The following KCND2 variants were observed in gnomAD, a reference collection of about 807,000 sequenced individuals.
The protein encoded by KCND2 is A-type voltage-gated potassium channel KCND2.
In KCND2, 16 loss-of-function variants were observed where a neutral mutation model predicts 54.4. The observed-to-expected ratio is 0.29, with a 90% CI of 0.20 to 0.45. The LOEUF (loss-of-function observed/expected upper bound fraction) is 0.45, where lower values mean the gene tolerates loss of function less well. Among genes scored for constraint, KCND2 ranks in the 20% least tolerant of loss-of-function variants. The probability of loss-of-function intolerance (pLI) is 1.00; values close to 1 mark genes in which losing one functional copy is unlikely to be tolerated. For synonymous variants in KCND2, 317 were observed against 310.7 expected (o/e 1.02, Z -0.21); for missense variants, 486 against 824.2 (o/e 0.59, Z 5.02).
chr7:120,633,229 A>T (rs552421421), intron 1 of KCND2, among the ~76,000 whole-genome samples: 3 of 152,312 alleles, frequency 2.0e-5, no homozygotes, highest in Admixed American at 6.5e-5. Flanking sequence ...CTCTTTTATT[A>T]GGACTGCTTA....
At chr7:120,415,679 A>G (rs1429024014) in intron 1 of KCND2, among the ~76,000 whole-genome samples, 2 of 152,140 alleles carry the variant, frequency 1.3e-5, no homozygotes, top group Non-Finnish European at 2.9e-5. Context: ...GACCAACTAA[A>G]TTGATGAATG....
chr7:120,358,422 T>C (rs984333835), intron 1 of KCND2, among the ~76,000 whole-genome samples: 4 of 152,172 alleles, frequency 2.6e-5, no homozygotes, highest in Non-Finnish European at 5.9e-5. Context: ...TGGTGGTACA[T>C]GGGATAAGCA....
In KCND2 at chr7:120,712,984, C is replaced by T. The variant is rs541539270; in HGVS notation, c.1116-19919C>T. Among the ~76,000 whole-genome samples, 326 of 152,272 alleles carry T rather than the reference C, an allele frequency of 2.1e-3. 1 individual carries two copies. Among genetic ancestry groups the T allele is most frequent in the Non-Finnish European group, 4.2e-3 (285 of 68,014 alleles). On this transcript the variant is annotated intron_variant, in intron 1 of 5. Coordinates refer to ENST00000331113, the MANE Select transcript of KCND2 (RefSeq NM_012281.3). The stretch of plus-strand genomic sequence containing the variant: ...GCTCTTTTAAAAATGTGAGGTCATG[C>T]CCACGTAGCCCTTGTCACCTCTCCT...
At chr7:120,626,519 G>A (rs547186952) in intron 1 of KCND2, among the ~76,000 whole-genome samples, 5 of 152,270 alleles carry the variant, frequency 3.3e-5, no homozygotes, top group African/African-American at 9.6e-5. Context: ...ATGTGTGGCT[G>A]TAGTATAAGT....
chr7:120,485,454 C>T (rs1802679716), intron 1 of KCND2, among the ~76,000 whole-genome samples: 1 of 152,160 alleles, frequency 6.6e-6, no homozygotes, highest in African/African-American at 2.4e-5. Context: ...AATTCCTACT[C>T]TGCAGGTACC....
intron 1 of KCND2, among the ~76,000 whole-genome samples, chr7:120,355,327 A>T (rs912016426): frequency 6.6e-5 from 10 of 152,316 alleles, no homozygotes; most frequent in Middle Eastern, 3.4e-3. Flanking sequence ...TGGGTGGATC[A>T]CCTGAAGTCA....
chr7:120,336,870 T>C (rs1296496522), intron 1 of KCND2, among the ~76,000 whole-genome samples: 1 of 152,170 alleles, frequency 6.6e-6, no homozygotes, highest in Admixed American at 6.5e-5. Flanking sequence ...TCTTGAACCC[T>C]AAAACACTAA....
chr7:120,469,195 T>C (rs1421372403), intron 1 of KCND2, among the ~76,000 whole-genome samples: 1 of 152,168 alleles, frequency 6.6e-6, no homozygotes, highest in African/African-American at 2.4e-5. Flanking sequence ...AACAGATGAA[T>C]TGGATCCTCT....
At chr7:120,663,000 T>C (rs998889189) in intron 1 of KCND2, among the ~76,000 whole-genome samples, 1 of 152,220 alleles carries the variant, frequency 6.6e-6, no homozygotes, top group Non-Finnish European at 1.5e-5. Flanking sequence ...GATCCTCAGC[T>C]GTCCTATGCA....
intron 1 of KCND2, among the ~76,000 whole-genome samples, chr7:120,278,989 A>G (rs1799222779): frequency 6.6e-6 from 1 of 151,710 alleles, no homozygotes; most frequent in Non-Finnish European, 1.5e-5. Context: ...TCCCCTTTCC[A>G]TAATGTAAAC....
In KCND2 at chr7:120,692,140, A is replaced by G. The variant is rs571625407; in HGVS notation, c.1116-40763A>G. On this transcript the variant is annotated intron_variant, in intron 1 of 5. Coordinates refer to ENST00000331113, the MANE Select transcript of KCND2 (RefSeq NM_012281.3). The stretch of plus-strand genomic sequence containing the variant: ...CTTTCAAGGAATGTGCTGTAAAGGG[A>G]GGGAGACAAATGAGGAGGTAGCTGA... Among the ~76,000 whole-genome samples the G allele has an allele frequency of 2.7e-4, 41 of 152,312 alleles. 1 individual carries two copies. In the East Asian group the frequency reaches 7.7e-3, roughly 29 times the overall value.
intron 1 of KCND2, among the ~76,000 whole-genome samples, chr7:120,483,437 T>C (rs1802635336): frequency 6.6e-6 from 1 of 152,162 alleles, no homozygotes; most frequent in South Asian, 2.1e-4. Context: ...ATCTGTGAGT[T>C]GTTTGCATGG....
rs34803439 is a variant in KCND2, at chr7:120,701,240, T to TAAAAAAAAA, written c.1116-31635_1116-31627dup. Among the ~76,000 whole-genome samples, 40 of 55,142 alleles carry TAAAAAAAAA rather than the reference T, an allele frequency of 7.3e-4. 2 individuals carry two copies. Among genetic ancestry groups the TAAAAAAAAA allele is most frequent in the Non-Finnish European group, 1.1e-3 (29 of 26,356 alleles). 36.2% of individuals were successfully genotyped at this position (55,142 alleles called of 152,430 possible). A position where few individuals can be genotyped will look rare whatever the true frequency, so the allele number is the denominator to read the frequency against. Reference sequence around the variant, plus strand: ...TAGTTGAATGGCTGTAATGCCTAGCTAAAAAAAAAAAAAAAAAAAAAAAAA... The same window carrying TAAAAAAAAA: ...TAGTTGAATGGCTGTAATGCCTAGCTAAAAAAAAAAAAAAAAAAAAAAAAAAAAAAAAAA... On this transcript the variant is annotated intron_variant, in intron 1 of 5. Transcript: ENST00000331113.
chr7:120,664,942 C>T (rs749158661), intron 1 of KCND2, among the ~76,000 whole-genome samples: 29 of 152,012 alleles, frequency 1.9e-4, no homozygotes, highest in African/African-American at 3.4e-4. Flanking sequence ...AAAAATAAAA[C>T]GTACAACTAT....
At chr7:120,576,739 C>T (rs1437674863) in intron 1 of KCND2, among the ~76,000 whole-genome samples, 1 of 152,074 alleles carries the variant, frequency 6.6e-6, no homozygotes, top group Non-Finnish European at 1.5e-5. Flanking sequence ...GAAGAATCCA[C>T]AGATGATTAC....
intron 1 of KCND2, among the ~76,000 whole-genome samples, chr7:120,642,400 A>T (rs938953014): frequency 6.7e-6 from 1 of 150,094 alleles, no homozygotes; most frequent in African/African-American, 2.4e-5. Flanking sequence ...CTCTACTAAA[A>T]AAAAAAAAAA....
At chr7:120,315,124 T>A (rs575659561) in intron 1 of KCND2, among the ~76,000 whole-genome samples, 7 of 152,262 alleles carry the variant, frequency 4.6e-5, no homozygotes, top group African/African-American at 1.4e-4. Context: ...AAAAAAAGCA[T>A]CTATTAATAT....
rs113270247 is a variant in KCND2 at position 120,275,320 on chromosome 7, T to G, written c.688T>G (p.Phe230Val). 2 of 1,613,694 alleles carry G rather than the reference T, an allele frequency of 1.2e-6. No homozygotes were observed. The highest frequency in any genetic ancestry group is 2.7e-5 in the African/African-American group (2 of 74,794). ...PCGERYAVAF[F>V]CLDTACVMIF... is the part of the protein sequence containing the mutation. ...TGGAGAGCGGTATGCTGTGGCCTTC[T>G]TCTGCTTGGACACGGCCTGCGTCAT... Residue 230 changes from phenylalanine to valine, a missense_variant, in exon 1 of 6, where the codon TTC becomes GTC. Transcript: ENST00000331113.
chr7:120,720,372 G>A (rs189641812), intron 1 of KCND2, among the ~76,000 whole-genome samples: 35 of 152,226 alleles, frequency 2.3e-4, no homozygotes, highest in Admixed American at 1.5e-3. Context: ...TAATGTTTTG[G>A]AACCAGGGTG....
Sources: gnomAD v4.1 joint callset for allele counts (sites outside exome capture counted in the v4.1 genomes callset) on GRCh38, gnomAD v4.1.1 for gene constraint, MANE v1.5 for transcripts, NCBI Gene and HGNC (gene_info 2026-07-23, HGNC 2026-07-21) for gene names.